The following TXNDC16 variants were observed in gnomAD, a reference collection of about 807,000 sequenced individuals.
TXNDC16 encodes the protein thioredoxin domain-containing protein 16.
A neutral mutation model predicts 85.6 loss-of-function variants in TXNDC16; 74 were observed. The ratio of observed to expected loss-of-function variants is 0.86; its 90% confidence interval spans 0.72 to 1.05. The LOEUF (loss-of-function observed/expected upper bound fraction) is 1.05, where lower values mean the gene tolerates loss of function less well. TXNDC16 is among the 50% of genes least tolerant of loss of function. The pLI, the probability that TXNDC16 is intolerant of heterozygous loss-of-function variation, is 0.00. For synonymous variants in TXNDC16, 335 were observed against 326.5 expected (o/e 1.03, Z -0.28); for missense variants, 959 against 947.0 (o/e 1.01, Z -0.17).
At position 52,529,501 on chromosome 14, in the gene TXNDC16, TTATATATAATGCCTATTATATA is replaced by T. The variant is rs1204794115; in HGVS notation, c.392+7196_392+7217del. Among the ~76,000 whole-genome samples the T allele has an allele frequency of 4.3e-3, 581 of 133,668 alleles. 106 individuals carry two copies. Among genetic ancestry groups the T allele is most frequent in the African/African-American group, 0.015 (541 of 35,286 alleles). 87.7% of individuals were successfully genotyped at this position (133,668 alleles called of 152,430 possible). On this transcript the variant is annotated intron_variant, in intron 6 of 20. Transcript: ENST00000281741. ...AAAAAGAAAAAATACCTACTATATA[TTATATATAATGCCTATTATATA>T]TATTATATATAATGCCTATTATATA... is the stretch of plus-strand genomic sequence containing the variant.
At chr14:52,469,968 T>G in intron 16 of TXNDC16, 69 bp downstream of exon 16, 1 of 1,383,898 alleles carries the variant, frequency 7.2e-7, no homozygotes, top group Non-Finnish European at 9.6e-7. Context: ...AAAAAGATAT[T>G]CTTAAAAAAT....
chr14:52,504,016 G>A (rs913493499), intron 9 of TXNDC16, among the ~76,000 whole-genome samples: 1 of 152,138 alleles, frequency 6.6e-6, no homozygotes, highest in Non-Finnish European at 1.5e-5. Context: ...GAGAAGAGAA[G>A]TTTAGAGAAA....
intron 12 of TXNDC16, among the ~76,000 whole-genome samples, chr14:52,487,825 A>C (rs929834963): frequency 4.6e-5 from 7 of 151,664 alleles, no homozygotes; most frequent in Non-Finnish European, 1.0e-4. Context: ...AAAGTAAATA[A>C]TATGTGGGAA....
rs555244283 is a variant in TXNDC16 at position 52,433,650 on chromosome 14, T to C, written c.2195-1063A>G. ...ACATGCAGTACAGCTGTACTTTGCT[T>C]ATTGATATATAATTTCTTCACTCAT... On this transcript the variant is annotated intron_variant, in intron 20 of 20. Transcript: ENST00000281741. Among the ~76,000 whole-genome samples, 7 of 152,334 alleles carry C rather than the reference T, an allele frequency of 4.6e-5. No homozygotes were observed. In the East Asian group the frequency reaches 1.3e-3, roughly 29 times the overall value.
At chr14:52,515,011 A>T (rs779532214) in intron 7 of TXNDC16, 41 bp from the exon 8 acceptor site, 2 of 1,461,662 alleles carry the variant, frequency 1.4e-6, no homozygotes, top group East Asian at 4.5e-5. Context: ...AGGAAAAAAT[A>T]GTTTGTGTGA....
chr14:52,521,522 A>G (rs1006554987), intron 6 of TXNDC16, among the ~76,000 whole-genome samples: 2 of 152,160 alleles, frequency 1.3e-5, no homozygotes, highest in Non-Finnish European at 2.9e-5. Context: ...ATCACACATC[A>G]TGTAGCCTCT....
chr14:52,544,875 C>T (rs2037909449), intron 1 of TXNDC16, among the ~76,000 whole-genome samples: 1 of 151,868 alleles, frequency 6.6e-6, no homozygotes, highest in Non-Finnish European at 1.5e-5. Flanking sequence ...TATAAAAATG[C>T]AATTTTAATG....
At chr14:52,521,135 C>G (rs989106908) in intron 6 of TXNDC16, among the ~76,000 whole-genome samples, 1 of 151,024 alleles carries the variant, frequency 6.6e-6, no homozygotes, top group East Asian at 1.9e-4. Flanking sequence ...TTTTTTGAGA[C>G]GAAGTCTTGC....
intron 9 of TXNDC16, among the ~76,000 whole-genome samples, chr14:52,508,825 C>T (rs537999284): frequency 6.6e-6 from 1 of 152,066 alleles, no homozygotes; most frequent in Admixed American, 6.5e-5. Flanking sequence ...GACAAAAAAA[C>T]CAAACACCGC....
In TXNDC16 at chr14:52,432,070, C is replaced by T. The variant is rs923093462; in HGVS notation, c.*234G>A. 5 of 337,040 alleles carry T rather than the reference C, an allele frequency of 1.5e-5. No individual in the cohort carries two copies. The highest frequency in any genetic ancestry group is 2.6e-5 in the Non-Finnish European group (5 of 190,096). The allele number at this position is 337,040 out of a possible 1,614,324, so 20.9% of individuals were successfully genotyped here. A position where few individuals can be genotyped will look rare whatever the true frequency, so the allele number is the denominator to read the frequency against. The stretch of plus-strand genomic sequence containing the variant: ...TATCTCATTAATAATTTCTATATTT[C>T]GCTATTTTGGGTATACTACTGGGTG... On this transcript the variant is annotated 3_prime_UTR_variant, in exon 21 of 21. Coordinates refer to ENST00000281741, the MANE Select transcript of TXNDC16 (RefSeq NM_020784.3).
intron 6 of TXNDC16, among the ~76,000 whole-genome samples, chr14:52,532,168 T>C (rs2037595830): frequency 6.6e-6 from 1 of 151,980 alleles, no homozygotes; most frequent in Non-Finnish European, 1.5e-5. Flanking sequence ...ATTTTTACAG[T>C]TTGTGCTTTA....
intron 7 of TXNDC16, among the ~76,000 whole-genome samples, chr14:52,517,308 T>C (rs910825109): frequency 9.2e-5 from 14 of 152,148 alleles, no homozygotes; most frequent in African/African-American, 3.1e-4. Context: ...AAAGGAAACA[T>C]AGCTGGGGAG....
chr14:52,505,750 A>G (rs2036782795), intron 9 of TXNDC16, among the ~76,000 whole-genome samples: 1 of 152,200 alleles, frequency 6.6e-6, no homozygotes, highest in Non-Finnish European at 1.5e-5. Context: ...AGAGAGACAC[A>G]AAAAACCCTT....
chr14:52,500,907 A>T (rs1176800844), intron 9 of TXNDC16, among the ~76,000 whole-genome samples: 1 of 152,212 alleles, frequency 6.6e-6, no homozygotes, highest in African/African-American at 2.4e-5. Context: ...GAGAATTCAG[A>T]TTCTCAATTG....
intron 20 of TXNDC16, 52 bp downstream of exon 20, chr14:52,439,152 T>A: frequency 6.5e-7 from 1 of 1,535,460 alleles, no homozygotes; most frequent in Non-Finnish European, 8.9e-7. Context: ...GAGTTTAACA[T>A]TTATGGAACA....
chr14:52,465,177 T>G (rs916897928), intron 16 of TXNDC16, among the ~76,000 whole-genome samples: 1 of 152,120 alleles, frequency 6.6e-6, no homozygotes, highest in African/African-American at 2.4e-5. Flanking sequence ...GCTAGACCAG[T>G]GGGGTCCTCT....
chr14:52,490,859 T>C lies in TXNDC16; in HGVS notation c.903A>G (p.Ala301=). The C allele has an allele frequency of 6.2e-7, 1 of 1,612,062 alleles. No homozygotes were observed. Among genetic ancestry groups the C allele is most frequent in the Non-Finnish European group, 8.5e-7 (1 of 1,179,496 alleles). ...GATACCTTAACAAGAGTAGAACTCC[T>C]GCTTTTCCCAGAAGACGCCAAGCAA... ...EWVAWRLLGK[A]GVLLLLRDSL... is the part of the protein sequence containing the mutation. The change falls in exon 10 of 21, where the codon GCA becomes GCG. Residue 301 remains alanine, a synonymous_variant. Coordinates refer to ENST00000281741, the MANE Select transcript of TXNDC16 (RefSeq NM_020784.3).
chr14:52,446,351 G>A (rs945185166), intron 18 of TXNDC16, among the ~76,000 whole-genome samples: 1 of 152,186 alleles, frequency 6.6e-6, no homozygotes, highest in Non-Finnish European at 1.5e-5. Context: ...CTCAGTGCAT[G>A]CTCGCCCACA....
intron 1 of TXNDC16, among the ~76,000 whole-genome samples, chr14:52,550,966 C>T (rs2038030671): frequency 6.6e-6 from 1 of 152,072 alleles, no homozygotes; most frequent in Non-Finnish European, 1.5e-5. Context: ...ACATAAAATC[C>T]TTCTCCAAAG....
Sources: allele counts gnomAD v4.1 joint callset (sites outside exome capture counted in the v4.1 genomes callset), GRCh38; gene constraint gnomAD v4.1.1; transcripts MANE v1.5; gene names NCBI Gene and HGNC (gene_info 2026-07-23, HGNC 2026-07-21).